Variants in HDAC9 observed in about 807,000 individuals in gnomAD.
HDAC9 encodes MEF-2 interacting transcription repressor (MITR) protein.
Under a neutral mutation model 139.4 loss-of-function variants are expected in HDAC9, and 41 were observed. The ratio of observed to expected loss-of-function variants is 0.29; its 90% CI spans 0.23 to 0.38. The LOEUF is 0.38. HDAC9 is among the 10% of genes least tolerant of loss of function. The probability of loss-of-function intolerance (pLI) is 1.00; values close to 1 mark genes in which losing one functional copy is unlikely to be tolerated. For missense variants in HDAC9, 1,147 were observed against 1,297.0 expected (o/e 0.88, Z 1.78); for synonymous variants, 517 against 476.2 (o/e 1.09, Z -1.12).
intron 17 of HDAC9, among the ~76,000 whole-genome samples, chr7:18,799,558 A>G (rs1277253258): frequency 2.0e-5 from 3 of 152,214 alleles, no homozygotes; most frequent in Non-Finnish European, 4.4e-5. Flanking sequence ...GACTCTATAA[A>G]CAGAATACTA....
chr7:18,246,965 A>C (rs1052659947), intron 2 of HDAC9, among the ~76,000 whole-genome samples: 3 of 152,128 alleles, frequency 2.0e-5, no homozygotes, highest in African/African-American at 7.2e-5. Flanking sequence ...GGGATGAGAC[A>C]GAAAGGAGTT....
upstream of HDAC9, among the ~76,000 whole-genome samples, chr7:18,288,074 G>T (rs998914397): frequency 1.3e-5 from 2 of 152,118 alleles, no homozygotes; most frequent in African/African-American, 4.8e-5. Flanking sequence ...ATTGTTCTTT[G>T]CTTTGGAAGG....
At chr7:18,359,338 ACT>A (rs1783588556) in intron 1 of HDAC9, among the ~76,000 whole-genome samples, 3 of 152,180 alleles carry the variant, frequency 2.0e-5, no homozygotes, top group South Asian at 2.1e-4. Flanking sequence ...ACGGAGTGAG[ACT>A]CTGTCTAAAA....
At chr7:18,669,484 T>C (rs1048065867) in intron 12 of HDAC9, among the ~76,000 whole-genome samples, 1 of 151,816 alleles carries the variant, frequency 6.6e-6, no homozygotes, top group Non-Finnish European at 1.5e-5. Context: ...AGTATTGCAT[T>C]AGAGTATCAA....
intron 23 of HDAC9, among the ~76,000 whole-genome samples, chr7:18,942,219 C>G (rs533350541): frequency 6.6e-6 from 1 of 151,826 alleles, no homozygotes; most frequent in Non-Finnish European, 1.5e-5. Context: ...CTACAGAGAT[C>G]GAGGAATATT....
chr7:18,146,838 G>A (rs1163666401), intron 1 of HDAC9, among the ~76,000 whole-genome samples: 1 of 152,152 alleles, frequency 6.6e-6, no homozygotes, highest in Admixed American at 6.5e-5. Context: ...CCAAGAAGCA[G>A]AACAGTCATT....
chr7:18,802,139 A>C (rs1793352749), intron 17 of HDAC9, among the ~76,000 whole-genome samples: 1 of 151,804 alleles, frequency 6.6e-6, no homozygotes, highest in Non-Finnish European at 1.5e-5. Context: ...TACAACCTGT[A>C]GTCTTTTCTA....
At chr7:18,698,020 AGAC>A (rs930731718) in intron 12 of HDAC9, among the ~76,000 whole-genome samples, 7 of 152,200 alleles carry the variant, frequency 4.6e-5, no homozygotes, top group African/African-American at 1.7e-4. Context: ...CACCAGGAGA[AGAC>A]GCATGAACAA....
intron 1 of HDAC9, among the ~76,000 whole-genome samples, chr7:18,143,235 C>A (rs528717999): frequency 6.6e-6 from 1 of 152,132 alleles, no homozygotes; most frequent in Non-Finnish European, 1.5e-5. Context: ...GATAGTAATT[C>A]TTTTCAGAAC....
chr7:18,620,340 A>G (rs535085169), intron 6 of HDAC9, among the ~76,000 whole-genome samples: 2 of 152,196 alleles, frequency 1.3e-5, no homozygotes, highest in Admixed American at 1.3e-4. Flanking sequence ...ATTAAAATTT[A>G]TTTTTAAACT....
chr7:18,315,507 A>G (rs867534612), intron 1 of HDAC9, among the ~76,000 whole-genome samples: 2 of 152,224 alleles, frequency 1.3e-5, no homozygotes, highest in Middle Eastern at 3.4e-3. Context: ...ATTAGTTAAC[A>G]CCTCTCTGCT....
At chr7:18,853,931 T>A (rs190764352) in intron 21 of HDAC9, among the ~76,000 whole-genome samples, 1 of 152,292 alleles carries the variant, frequency 6.6e-6, no homozygotes, top group East Asian at 1.9e-4. Context: ...AAGTGTTGAT[T>A]GAATTGTAAT....
chr7:18,238,413 C>A (rs1793967588), intron 2 of HDAC9, among the ~76,000 whole-genome samples: 1 of 152,190 alleles, frequency 6.6e-6, no homozygotes, highest in Admixed American at 6.5e-5. Flanking sequence ...GAACTTTCCA[C>A]AGTGCCATAA....
At chr7:18,506,877 TA>T (rs1799933246) in intron 2 of HDAC9, among the ~76,000 whole-genome samples, 1 of 152,132 alleles carries the variant, frequency 6.6e-6, no homozygotes, top group South Asian at 2.1e-4. Flanking sequence ...GTTTGGGTAT[TA>T]CTACCTCTTG....
At chr7:18,716,406 A>G (rs1377694307) in intron 12 of HDAC9, among the ~76,000 whole-genome samples, 2 of 152,154 alleles carry the variant, frequency 1.3e-5, no homozygotes, top group East Asian at 1.9e-4. Flanking sequence ...TGGACTTGTT[A>G]TTTATTTAAT....
chr7:18,956,454 G>T (rs1412999233), intron 24 of HDAC9, among the ~76,000 whole-genome samples: 2 of 152,080 alleles, frequency 1.3e-5, no homozygotes, highest in Admixed American at 6.6e-5. Context: ...TCCAGGAAGG[G>T]TTGACAGCAG....
At chr7:18,169,247 T>C (rs1788233965) in intron 2 of HDAC9, among the ~76,000 whole-genome samples, 1 of 152,064 alleles carries the variant, frequency 6.6e-6, no homozygotes, top group South Asian at 2.1e-4. Context: ...TGCAAAAGTA[T>C]TTTTTATGAA....
chr7:18,306,882 T>C (rs750552502), intron 1 of HDAC9, among the ~76,000 whole-genome samples: 18 of 152,106 alleles, frequency 1.2e-4, no homozygotes, highest in African/African-American at 2.9e-4. Flanking sequence ...TTAAATTCTT[T>C]CCATTCTCCA....
At chr7:18,937,888 T>G (rs17140345) in intron 23 of HDAC9, among the ~76,000 whole-genome samples, 26,007 of 152,216 alleles carry the variant, frequency 0.17, 2,631 homozygotes, top group East Asian at 0.35. Context: ...TCTATACTCA[T>G]AATCTTTTGC....
Sources: gnomAD v4.1 joint callset for allele counts (sites outside exome capture counted in the v4.1 genomes callset) on GRCh38, gnomAD v4.1.1 for gene constraint, MANE v1.5 for transcripts, NCBI Gene and HGNC (gene_info 2026-07-23, HGNC 2026-07-21) for gene names.